The following UBE3C variants were observed in gnomAD, a reference collection of about 807,000 sequenced individuals.
UBE3C encodes the protein ubiquitin-protein ligase E3C.
A neutral mutation model predicts 129.4 loss-of-function variants in UBE3C; 42 were observed. The observed-to-expected ratio is 0.32, with a 90% CI of 0.25 to 0.42. The LOEUF (loss-of-function observed/expected upper bound fraction) is 0.42. UBE3C is among the 10% of genes least tolerant of loss of function. The pLI, the probability that UBE3C is intolerant of heterozygous loss-of-function variation, is 1.00. For synonymous variants in UBE3C, 510 were observed against 492.4 expected (o/e 1.04, Z -0.47); for missense variants, 1,049 against 1,319.1 (o/e 0.80, Z 3.17).
intron 10 of UBE3C, chr7:157,192,440 A>C (rs1808995322): frequency 1.4e-6 from 1 of 736,944 alleles, no homozygotes; most frequent in African/African-American, 1.7e-5. Context: ...TATGATAGAA[A>C]ATGTAAAGGC....
chr7:157,257,002 G>A lies in UBE3C; in HGVS notation c.3039G>A (p.Lys1013=). 8 of 1,614,208 alleles carry A rather than the reference G, an allele frequency of 5.0e-6. No individual in the cohort carries two copies. Among genetic ancestry groups the A allele is most frequent in the Non-Finnish European group, 6.8e-6 (8 of 1,180,032 alleles). The stretch of plus-strand genomic sequence containing the variant: ...ATGAAGAAAAGCGCAAACTGCTGAA[G>A]TTTGTAACAAGCTGCTCTCGACCCC... ...FTDEEKRKLL[K]FVTSCSRPPL... Residue 1013 remains lysine (K), a synonymous_variant, in exon 22 of 23, where the codon AAG becomes AAA. Transcript: ENST00000348165.
intron 3 of UBE3C, among the ~76,000 whole-genome samples, chr7:157,169,544 T>C (rs1808309349): frequency 6.6e-6 from 1 of 151,936 alleles, no homozygotes; most frequent in Non-Finnish European, 1.5e-5. Context: ...TGCAGCTGAT[T>C]TTTGTATTGT....
intron 10 of UBE3C, among the ~76,000 whole-genome samples, chr7:157,189,707 ATTTT>A (rs1344147089): frequency 6.6e-6 from 1 of 151,914 alleles, no homozygotes. Flanking sequence ...TATTCATGTG[ATTTT>A]TCCTTTACTT....
At chr7:157,221,344 T>C (rs1203492602) in intron 15 of UBE3C, 1 of 152,954 alleles carries the variant, frequency 6.5e-6, no homozygotes, top group Non-Finnish European at 1.5e-5. Context: ...GCTGCAGAAC[T>C]GTGTTCCAGG....
At position 157,201,814 on chromosome 7, in the gene UBE3C, A is replaced by G. The variant is rs550175968; in HGVS notation, c.1418+7A>G. Reference sequence around the variant, plus strand: ...CAACACGGATGATCACAGGGTATGTATTATACAGACTTATAAATTGAGCTC... The same window carrying G: ...CAACACGGATGATCACAGGGTATGTGTTATACAGACTTATAAATTGAGCTC... On this transcript the variant is annotated splice_region_variant and intron_variant, in intron 11 of 22. Coordinates refer to ENST00000348165, the MANE Select transcript of UBE3C (RefSeq NM_014671.3). 1 of 1,601,504 alleles carries G rather than the reference A, an allele frequency of 6.2e-7. No individual in the cohort carries two copies. Among genetic ancestry groups the G allele is most frequent in the Non-Finnish European group, 8.5e-7 (1 of 1,174,020 alleles).
intron 13 of UBE3C, among the ~76,000 whole-genome samples, chr7:157,216,416 T>C (rs1444225130): frequency 6.6e-6 from 1 of 151,762 alleles, no homozygotes; most frequent in Non-Finnish European, 1.5e-5. Context: ...TAGATAAACA[T>C]GTCATCGGAG....
At chr7:157,167,619 GCT>G (rs1410845218) in intron 2 of UBE3C, among the ~76,000 whole-genome samples, 10 of 151,574 alleles carry the variant, frequency 6.6e-5, no homozygotes, top group African/African-American at 2.2e-4. Flanking sequence ...CTCACTGCAA[GCT>G]CCACCTCCCG....
intron 17 of UBE3C, among the ~76,000 whole-genome samples, chr7:157,228,154 C>G (rs548898629): frequency 1.3e-5 from 2 of 152,358 alleles, no homozygotes; most frequent in African/African-American, 2.4e-5. Flanking sequence ...GTTGTCTTAT[C>G]TCCGAACGAT....
chr7:157,230,147 C>T (rs1229371862), intron 17 of UBE3C, among the ~76,000 whole-genome samples: 1 of 151,582 alleles, frequency 6.6e-6, no homozygotes, highest in African/African-American at 2.4e-5. Context: ...GACCTCAAGG[C>T]GATCCGCCCA....
chr7:157,173,279 G>T lies in UBE3C; in HGVS notation c.343-1640G>T, dbSNP rs532861009. Among the ~76,000 whole-genome samples the T allele has an allele frequency of 1.8e-4, 28 of 152,336 alleles. No homozygotes were observed. The South Asian group carries it at 5.8e-3, about 32-fold the overall frequency. ...GTAGTCCAGCTACTTAGGAGGCTGA[G>T]GCAGGAGGATCGTTTGAGCCCAGGT... On this transcript the variant is annotated intron_variant, in intron 4 of 22. Transcript: ENST00000348165.
chr7:157,195,274 A>T (rs146487736), intron 10 of UBE3C, among the ~76,000 whole-genome samples: 10 of 152,302 alleles, frequency 6.6e-5, no homozygotes, highest in African/African-American at 2.4e-4. Context: ...TATGTAAGAG[A>T]CCCACAAGTT....
At chr7:157,230,736 T>C (rs1166018778) in intron 17 of UBE3C, among the ~76,000 whole-genome samples, 3 of 150,678 alleles carry the variant, frequency 2.0e-5, no homozygotes, top group African/African-American at 7.3e-5. Context: ...TTTAAGAATT[T>C]AGGTATCTGT....
At chr7:157,240,463 C>A (rs1291816825) in intron 18 of UBE3C, among the ~76,000 whole-genome samples, 1 of 152,056 alleles carries the variant, frequency 6.6e-6, no homozygotes, top group Non-Finnish European at 1.5e-5. Flanking sequence ...AGTGTAGGGC[C>A]CACTTGACGT....
intron 22 of UBE3C, among the ~76,000 whole-genome samples, chr7:157,260,609 A>G (rs962107314): frequency 1.3e-5 from 2 of 152,202 alleles, no homozygotes; most frequent in East Asian, 1.9e-4. Context: ...TGTCATTAAC[A>G]TTTATTATGA....
At chr7:157,263,318 C>T (rs141039829) in intron 22 of UBE3C, 58 of 152,924 alleles carry the variant, frequency 3.8e-4, no homozygotes, top group African/African-American at 5.3e-4. Context: ...GCCACCTTCC[C>T]GGGCATACAG....
At chr7:157,236,812 A>T (rs186320166) in intron 18 of UBE3C, among the ~76,000 whole-genome samples, 1,546 of 151,554 alleles carry the variant, frequency 0.01, 26 homozygotes, top group African/African-American at 0.035. Context: ...GCTCACTGCA[A>T]CCTCCACCTC....
chr7:157,244,692 A>G (rs902000251), intron 18 of UBE3C, among the ~76,000 whole-genome samples: 2 of 152,234 alleles, frequency 1.3e-5, no homozygotes, highest in African/African-American at 4.8e-5. Context: ...TAGAGCCACA[A>G]TTTGCATTAA....
chr7:157,256,766 A>G lies in UBE3C; in HGVS notation c.2951-148A>G, dbSNP rs558282762. 51 of 897,518 alleles carry G rather than the reference A, an allele frequency of 5.7e-5. No individual in the cohort carries two copies. In the African/African-American group the frequency reaches 8.2e-4, roughly 14 times the overall value. 55.6% of individuals were successfully genotyped at this position (897,518 alleles called of 1,614,324 possible). ...TCATGGAAGTGCACAGCACGTACAC[A>G]GGTGATACACACATGCCACGCCGTT... On this transcript the variant is annotated intron_variant, in intron 21 of 22. Coordinates refer to ENST00000348165, the MANE Select transcript of UBE3C (RefSeq NM_014671.3).
At chr7:157,223,061 C>T (rs1554433219) in intron 15 of UBE3C, 193 bp from the exon 16 acceptor site, 9 of 547,438 alleles carry the variant, frequency 1.6e-5, no homozygotes, top group African/African-American at 3.8e-5. Flanking sequence ...GTTATGTGTT[C>T]GGGGAGCTAC....
Sources: gnomAD v4.1 joint callset for allele counts (sites outside exome capture counted in the v4.1 genomes callset) on GRCh38, gnomAD v4.1.1 for gene constraint, MANE v1.5 for transcripts, NCBI Gene and HGNC (gene_info 2026-07-23, HGNC 2026-07-21) for gene names.